Variants in NXN observed in about 807,000 individuals in gnomAD.
NXN encodes nucleoredoxin.
A neutral mutation model predicts 48.6 loss-of-function variants in NXN; 16 were observed. The ratio of observed to expected loss-of-function variants is 0.33; its 90% CI spans 0.22 to 0.50. The LOEUF (loss-of-function observed/expected upper bound fraction) is 0.50. Ranked by LOEUF, NXN falls within the 20% of genes least tolerant of loss-of-function variation. The pLI, the probability that NXN is intolerant of heterozygous loss-of-function variation, is 0.98. For missense variants in NXN, 492 were observed against 605.5 expected (o/e 0.81, Z 1.97); for synonymous variants, 281 against 269.6 (o/e 1.04, Z -0.41).
intron 1 of NXN, among the ~76,000 whole-genome samples, chr17:942,230 G>A (rs2068984688): frequency 7.1e-6 from 1 of 140,930 alleles, no homozygotes. Context: ...CAAGATTCCA[G>A]GGTGCAGCCA....
At chr17:959,124 T>G in intron 1 of NXN, 1 of 414,180 alleles carries the variant, frequency 2.4e-6, no homozygotes, top group East Asian at 4.2e-5. Context: ...CAGGAGCTGC[T>G]GGGGCCCAGC....
At position 932,753 on chromosome 17, in the gene NXN, G is replaced by C. The variant is rs2068867732; in HGVS notation, c.360+46566C>G. Among the ~76,000 whole-genome samples the C allele has an allele frequency of 6.6e-6, 1 of 152,190 alleles. No individual in the cohort carries two copies. Among genetic ancestry groups the C allele is most frequent in the Non-Finnish European group, 1.5e-5 (1 of 68,038 alleles). Reference sequence around the variant, plus strand: ...CCCGGACAAGCAGCTGAGTGGGTGGGGAGTGCCTTGTTGTGGCCGGCTTCG... The same window carrying C: ...CCCGGACAAGCAGCTGAGTGGGTGGCGAGTGCCTTGTTGTGGCCGGCTTCG... On this transcript the variant is annotated intron_variant, in intron 1 of 7. Coordinates refer to ENST00000336868, the MANE Select transcript of NXN (RefSeq NM_022463.5). This position sits in a 1 kb window ranked among gnomAD's most constrained non-coding sequence, Gnocchi z 4.1.
rs1002264490 is a variant in NXN at position 956,241 on chromosome 17, C to T, written c.360+23078G>A. Among the ~76,000 whole-genome samples the T allele has an allele frequency of 5.3e-5, 8 of 152,032 alleles. No homozygotes were observed. Among genetic ancestry groups the T allele is most frequent in the South Asian group, 2.1e-4 (1 of 4,820 alleles). ...CATTCATTCTTTCTTTCAATAAACA[C>T]GGTGCCAAGTATTTACTAATAAGAG... On this transcript the variant is annotated intron_variant, in intron 1 of 7. Transcript: ENST00000336868. The surrounding 1 kb of genome is among the most constrained non-coding windows in gnomAD (Gnocchi z 4.1).
At chr17:811,105 G>A (rs1285979219) in intron 5 of NXN, among the ~76,000 whole-genome samples, 1 of 152,220 alleles carries the variant, frequency 6.6e-6, no homozygotes, top group Admixed American at 6.5e-5. Context: ...GAGGAAGAAA[G>A]AAGGAGGCGG....
chr17:943,261 C>T (rs1333793666), intron 1 of NXN, among the ~76,000 whole-genome samples: 1 of 152,124 alleles, frequency 6.6e-6, no homozygotes, highest in East Asian at 1.9e-4. Flanking sequence ...CATGAAGTTA[C>T]CCAGCGAACC....
intron 1 of NXN, among the ~76,000 whole-genome samples, chr17:844,448 A>G (rs908742029): frequency 2.7e-5 from 4 of 148,324 alleles, no homozygotes; most frequent in African/African-American, 9.7e-5. Flanking sequence ...TCACCAGTTC[A>G]CCCTAACCCC....
intron 4 of NXN, among the ~76,000 whole-genome samples, chr17:820,537 A>G (rs1214008266): frequency 1.4e-5 from 2 of 142,874 alleles, no homozygotes; most frequent in Admixed American, 7.1e-5. Flanking sequence ...ACGTGAACCC[A>G]GGAGGCGGAG....
intron 1 of NXN, among the ~76,000 whole-genome samples, chr17:944,577 G>A (rs1017647058): frequency 1.3e-5 from 2 of 152,172 alleles, no homozygotes; most frequent in East Asian, 3.8e-4. Flanking sequence ...AGCTCTGAAG[G>A]ACCAGCCCTT....
At chr17:805,316 G>T in intron 5 of NXN, 69 bp from the exon 6 acceptor site, 1 of 1,505,592 alleles carries the variant, frequency 6.6e-7, no homozygotes, top group East Asian at 2.4e-5. Context: ...GGAGGCTCGC[G>T]GGGTCCAGCC....
intron 4 of NXN, 112 bp downstream of exon 4, chr17:822,245 C>T (rs950852859): frequency 9.2e-5 from 68 of 737,490 alleles, no homozygotes; most frequent in Non-Finnish European, 1.4e-4. Context: ...CACCACTGCA[C>T]TCCAGCCTGG....
chr17:841,392 CCGGCGAGCAGG>C lies in NXN; in HGVS notation c.361-15325_361-15315del, dbSNP rs1567827312. Among the ~76,000 whole-genome samples, 120 of 149,592 alleles carry C rather than the reference CCGGCGAGCAGG, an allele frequency of 8.0e-4. 12 individuals are homozygous for C. The highest frequency in any genetic ancestry group is 4.9e-4 in the Non-Finnish European group (33 of 66,678). On this transcript the variant is annotated intron_variant, in intron 1 of 7. Coordinates refer to ENST00000336868, the MANE Select transcript of NXN (RefSeq NM_022463.5). ...CAGCCCACACACGGTGCATCTCACG[CCGGCGAGCAGG>C]TCCCCCCTGACCACGGCGCATCTCA...
intron 1 of NXN, chr17:910,013 G>A (rs1019706333): frequency 5.9e-5 from 9 of 152,264 alleles, no homozygotes; most frequent in East Asian, 5.8e-4. Context: ...TAACATAAAG[G>A]CAGTTTATTT....
intron 1 of NXN, among the ~76,000 whole-genome samples, chr17:880,262 G>A (rs1412440498): frequency 1.3e-5 from 2 of 152,002 alleles, no homozygotes; most frequent in Non-Finnish European, 1.5e-5. Context: ...TTATTTCCGG[G>A]GGCGGAGGAG....
chr17:837,753 G>A (rs550366683), intron 1 of NXN, among the ~76,000 whole-genome samples: 1 of 152,334 alleles, frequency 6.6e-6, no homozygotes, highest in East Asian at 1.9e-4. Flanking sequence ...CTGAAGCAGA[G>A]AACAGACCAG....
intron 1 of NXN, chr17:896,844 C>T (rs770282962): frequency 1.9e-5 from 23 of 1,190,636 alleles, no homozygotes; most frequent in South Asian, 1.6e-4. Context: ...AAATGGACCA[C>T]GCGGTCCTGA....
At chr17:874,038 T>C (rs67515545) in intron 1 of NXN, among the ~76,000 whole-genome samples, 39,231 of 151,208 alleles carry the variant, frequency 0.26, 5,294 homozygotes, top group Middle Eastern at 0.38. Flanking sequence ...TAATCCCACA[T>C]GTAGTGGGAG....
intron 5 of NXN, among the ~76,000 whole-genome samples, chr17:806,340 G>T (rs998024708): frequency 6.1e-5 from 9 of 146,906 alleles, no homozygotes; most frequent in African/African-American, 1.7e-4. Flanking sequence ...CAGGGCTGGG[G>T]AAGAAAAGTA....
intron 1 of NXN, among the ~76,000 whole-genome samples, chr17:921,445 G>A (rs190060848): frequency 1.9e-3 from 287 of 152,104 alleles, no homozygotes; most frequent in African/African-American, 6.6e-3. Flanking sequence ...TCTTTTCCTC[G>A]AAACGCTTCC....
rs1289688653 is a variant in NXN at position 919,820 on chromosome 17, G to C, written c.360+59499C>G. ...CTCTCCCTTCCATCATTCAATCTTG[G>C]CGGACCACACTGGTATGCGACCTCA... On this transcript the variant is annotated intron_variant, in intron 1 of 7. Coordinates refer to ENST00000336868, the MANE Select transcript of NXN (RefSeq NM_022463.5). The surrounding 1 kb of genome is among the most constrained non-coding windows in gnomAD (Gnocchi z 5.1). 6.6e-6 allele frequency among the ~76,000 whole-genome samples: 1 copy of C among 152,100 alleles called. No homozygotes were observed. Among genetic ancestry groups the C allele is most frequent in the African/African-American group, 2.4e-5 (1 of 41,406 alleles).
Sources: allele counts gnomAD v4.1 joint callset (sites outside exome capture counted in the v4.1 genomes callset), GRCh38; gene constraint gnomAD v4.1.1; non-coding constraint Gnocchi (gnomAD v3.1); transcripts MANE v1.5; gene names NCBI Gene and HGNC (gene_info 2026-07-23, HGNC 2026-07-21).